The following UNC13C variants were observed in gnomAD, a reference collection of about 807,000 sequenced individuals.
UNC13C encodes the protein protein unc-13 homolog C.
A neutral mutation model predicts 245.4 loss-of-function variants in UNC13C; 174 were observed. That is an observed-to-expected ratio of 0.71 (90% CI 0.63 to 0.80). UNC13C has a LOEUF of 0.80. Ranked by LOEUF, UNC13C falls within the 30% of genes least tolerant of loss-of-function variation. The pLI is 0.00. For synonymous variants in UNC13C, 992 were observed against 895.1 expected (o/e 1.11, Z -1.93); for missense variants, 2,829 against 2,602.9 (o/e 1.09, Z -1.89).
intron 22 of UNC13C, among the ~76,000 whole-genome samples, chr15:54,504,163 A>C (rs1364770005): frequency 1.3e-5 from 2 of 152,154 alleles, no homozygotes; most frequent in African/African-American, 4.8e-5. Flanking sequence ...ATAGATATGA[A>C]GTAATGTTAT....
chr15:54,258,589 G>A (rs1429868948), intron 8 of UNC13C, among the ~76,000 whole-genome samples: 4 of 151,908 alleles, frequency 2.6e-5, no homozygotes, highest in Admixed American at 6.6e-5. Flanking sequence ...GGCTGGTTAC[G>A]AACTCCTGAC....
intron 17 of UNC13C, among the ~76,000 whole-genome samples, chr15:54,345,591 C>T (rs2038841442): frequency 6.6e-6 from 1 of 152,188 alleles, no homozygotes; most frequent in Non-Finnish European, 1.5e-5. Flanking sequence ...AAGAAATAAC[C>T]TTTTATTGCA....
intron 2 of UNC13C, among the ~76,000 whole-genome samples, chr15:54,025,837 A>C (rs1364639561): frequency 1.3e-5 from 2 of 152,224 alleles, no homozygotes; most frequent in Non-Finnish European, 2.9e-5. Context: ...TTTCTGTATA[A>C]TTTGTGATAA....
At chr15:54,155,162 T>G (rs1438597508) in intron 4 of UNC13C, among the ~76,000 whole-genome samples, 1 of 152,246 alleles carries the variant, frequency 6.6e-6, no homozygotes, top group Non-Finnish European at 1.5e-5. Flanking sequence ...CTTGTCTACA[T>G]TCACTCATGC....
intron 15 of UNC13C, among the ~76,000 whole-genome samples, 194 bp downstream of exon 15, chr15:54,332,305 C>CTCTG (rs1555450463): frequency 6.2e-5 from 9 of 145,584 alleles, no homozygotes; most frequent in Non-Finnish European, 9.1e-5. Context: ...CAACAATACT[C>CTCTG]TGTGTGTGTG....
the UNC13C span, among the ~76,000 whole-genome samples, chr15:53,896,959 G>A: frequency 6.6e-6 from 1 of 152,126 alleles, no homozygotes; most frequent in East Asian, 1.9e-4. Context: ...TTCTATTTGG[G>A]AAGCCAACAT....
At chr15:54,293,796 A>C (rs375437799) in intron 10 of UNC13C, 99 bp from the exon 11 acceptor site, 4 of 999,300 alleles carry the variant, frequency 4.0e-6, no homozygotes, top group South Asian at 4.9e-5. Flanking sequence ...TATGTAGTAT[A>C]TTATGCCTTT....
At chr15:54,077,975 C>A (rs1405955944) in intron 2 of UNC13C, among the ~76,000 whole-genome samples, 1 of 152,176 alleles carries the variant, frequency 6.6e-6, no homozygotes, top group Non-Finnish European at 1.5e-5. Flanking sequence ...TCTTCCCTCC[C>A]AGCCTCCCCT....
chr15:54,300,247 G>A lies in UNC13C; in HGVS notation c.4142G>A (p.Gly1381Asp), dbSNP rs1193623882. The change falls in exon 13 of 33, where the codon GGT becomes GAT. Residue 1381 changes from glycine (G) to aspartate (D), a missense_variant. Transcript: ENST00000260323. ...FHYLTEVKSN[G>D]GVKIPEVKGD... ...TACTTGACTGAAGTGAAATCTAATG[G>A]TGGAGTGAAAATCCCAGAAGTCAAA... 6.9e-6 allele frequency: 11 copies of A among 1,600,038 alleles called. No individual in the cohort carries two copies. Among genetic ancestry groups the A allele is most frequent in the East Asian group, 2.2e-5 (1 of 44,552 alleles).
At chr15:54,457,522 C>G (rs979369071) in intron 19 of UNC13C, among the ~76,000 whole-genome samples, 2 of 151,644 alleles carry the variant, frequency 1.3e-5, no homozygotes, top group African/African-American at 4.8e-5. Context: ...TTTTTTTTGG[C>G]AATTTTTTTA....
chr15:54,260,607 A>G (rs1884649243), intron 8 of UNC13C, among the ~76,000 whole-genome samples: 1 of 148,490 alleles, frequency 6.7e-6, no homozygotes. Context: ...ATATGTGTGT[A>G]TGTATATGTA....
At chr15:54,612,018 TACAA>T (rs1900128936) in intron 30 of UNC13C, among the ~76,000 whole-genome samples, 1 of 152,124 alleles carries the variant, frequency 6.6e-6, no homozygotes, top group Admixed American at 6.6e-5. Context: ...ACTCAGCAAT[TACAA>T]AATAAGTTTA....
rs140852515 is a variant in UNC13C at position 54,120,557 on chromosome 15, G to A, written c.2984-22461G>A. 4.6e-3 allele frequency among the ~76,000 whole-genome samples: 707 copies of A among 152,150 alleles called. 4 individuals carry two copies. Among genetic ancestry groups the A allele is most frequent in the Non-Finnish European group, 7.9e-3 (536 of 67,972 alleles). ...ATCTATTCTGCAGCCCATGGATCAG[G>A]GAGTAATTTTGACTCTCAAGTCTCA... On this transcript the variant is annotated intron_variant, in intron 2 of 32. Coordinates refer to ENST00000260323, the MANE Select transcript of UNC13C (RefSeq NM_001080534.3).
At chr15:54,485,829 T>C (rs2141072090) in intron 19 of UNC13C, among the ~76,000 whole-genome samples, 1 of 152,300 alleles carries the variant, frequency 6.6e-6, no homozygotes, top group African/African-American at 2.4e-5. Flanking sequence ...CCACCAGGAA[T>C]GCTCTTCCAG....
chr15:54,427,460 T>G (rs2040782391), intron 19 of UNC13C, among the ~76,000 whole-genome samples: 1 of 151,766 alleles, frequency 6.6e-6, no homozygotes. Flanking sequence ...TTCTTCCCAG[T>G]CTCAGGTATG....
intron 1 of UNC13C, among the ~76,000 whole-genome samples, chr15:54,001,664 CTAAT>C (rs1043033761): frequency 4.6e-5 from 7 of 152,110 alleles, no homozygotes; most frequent in African/African-American, 1.4e-4. Flanking sequence ...GGGCACTTCT[CTAAT>C]TATTTCTTAT....
chr15:54,180,922 T>C (rs1160404286), intron 4 of UNC13C, among the ~76,000 whole-genome samples: 1 of 152,112 alleles, frequency 6.6e-6, no homozygotes. Context: ...TTTGAAAATA[T>C]GTTTTCCTAT....
intron 17 of UNC13C, among the ~76,000 whole-genome samples, chr15:54,339,646 T>A (rs199703697): frequency 1.6e-5 from 2 of 121,308 alleles, no homozygotes; most frequent in African/African-American, 2.8e-5. Flanking sequence ...TGGAGATATA[T>A]ATATATATAT....
intron 7 of UNC13C, among the ~76,000 whole-genome samples, chr15:54,249,640 C>T (rs1474318496): frequency 6.6e-6 from 1 of 152,064 alleles, no homozygotes; most frequent in Non-Finnish European, 1.5e-5. Context: ...TTAAAGAGTC[C>T]TTCCATATGC....
Sources: gnomAD v4.1 joint callset for allele counts (sites outside exome capture counted in the v4.1 genomes callset) on GRCh38, gnomAD v4.1.1 for gene constraint, MANE v1.5 for transcripts, NCBI Gene and HGNC (gene_info 2026-07-23, HGNC 2026-07-21) for gene names.